CSNK1G3: variants seen among roughly 807,000 people sequenced by gnomAD.
CSNK1G3 encodes the protein casein kinase I isoform gamma-3.
A neutral mutation model predicts 64.3 loss-of-function variants in CSNK1G3; 23 were observed. The ratio of observed to expected loss-of-function variants is 0.36; its 90% CI spans 0.26 to 0.51. The LOEUF (loss-of-function observed/expected upper bound fraction) is 0.51, where lower values mean the gene tolerates loss of function less well. CSNK1G3 is among the 20% of genes least tolerant of loss of function. The pLI is 0.96. For missense variants in CSNK1G3, 357 were observed against 510.5 expected, an observed-to-expected ratio of 0.70 and a Z score of 2.90; for synonymous variants, 158 against 162.2, an observed-to-expected ratio of 0.97 and a Z score of 0.20.
chr5:123,530,107 A>G (rs934581128), intron 1 of CSNK1G3, among the ~76,000 whole-genome samples: 6 of 152,044 alleles, frequency 3.9e-5, no homozygotes, highest in African/African-American at 1.4e-4. Flanking sequence ...AAAATCATAA[A>G]TTAAATATTT....
intron 8 of CSNK1G3, among the ~76,000 whole-genome samples, chr5:123,590,182 A>G (rs538349800): frequency 6.6e-6 from 1 of 152,222 alleles, no homozygotes; most frequent in Non-Finnish European, 1.5e-5. Flanking sequence ...AATGAAGCAA[A>G]AATAGTGGTT....
rs567870213 is a variant in CSNK1G3 at position 123,557,364 on chromosome 5, A to G, written c.220-131A>G. On this transcript the variant is annotated intron_variant, in intron 3 of 12. Transcript: ENST00000345990. ...AGAAAGTTGATTTTTATATGAATCT[A>G]ATCTTAGACAAAGATGCCTGGTAGA... 11 of 636,710 alleles carry G rather than the reference A, an allele frequency of 1.7e-5. No individual in the cohort carries two copies. In the African/African-American group the frequency reaches 2.1e-4, roughly 12 times the overall value. The allele number at this position is 636,710 out of a possible 1,614,324, so 39.4% of individuals were successfully genotyped here. A position where few individuals can be genotyped will look rare whatever the true frequency, so the allele number is the denominator to read the frequency against.
At chr5:123,553,957 A>G (rs1784158023) in intron 3 of CSNK1G3, among the ~76,000 whole-genome samples, 1 of 152,204 alleles carries the variant, frequency 6.6e-6, no homozygotes, top group African/African-American at 2.4e-5. Context: ...ATGTATGTGT[A>G]TGAGGTTTAG....
At chr5:123,555,727 T>C (rs1450986707) in intron 3 of CSNK1G3, among the ~76,000 whole-genome samples, 1 of 152,140 alleles carries the variant, frequency 6.6e-6, no homozygotes, top group Non-Finnish European at 1.5e-5. Flanking sequence ...TGTTAAAATT[T>C]TACTGCTTAA....
rs558587994 is a variant in CSNK1G3 at position 123,564,612 on chromosome 5, GT to G, written c.289+7053del. Among the ~76,000 whole-genome samples, 12 of 152,052 alleles carry G rather than the reference GT, an allele frequency of 7.9e-5. No homozygotes were observed. The South Asian group carries it at 2.3e-3, about 29-fold the overall frequency. On this transcript the variant is annotated intron_variant, in intron 4 of 12. Transcript: ENST00000345990. Reference sequence around the variant, plus strand: ...TGGATAACAACTTAAGTTCCATTCAGTTTTTGCAACAGTTAAATTTTTACTT... The same window carrying G: ...TGGATAACAACTTAAGTTCCATTCAGTTTTGCAACAGTTAAATTTTTACTT...
At chr5:123,614,528 A>G (rs1389823749) in exon 13 of CSNK1G3, 1 of 667,954 alleles carries the variant, frequency 1.5e-6, no homozygotes, top group Non-Finnish European at 2.4e-6. Flanking sequence ...ATACTTTCAT[A>G]CTTCATTTTG....
chr5:123,582,311 T>C (rs1191718678), intron 6 of CSNK1G3, among the ~76,000 whole-genome samples: 1 of 152,048 alleles, frequency 6.6e-6, no homozygotes, highest in African/African-American at 2.4e-5. Flanking sequence ...ATGAAAAAAA[T>C]GCAGACAAGT....
At chr5:123,556,795 G>A (rs1308087351) in intron 3 of CSNK1G3, among the ~76,000 whole-genome samples, 1 of 147,920 alleles carries the variant, frequency 6.8e-6, no homozygotes, top group African/African-American at 2.5e-5. Context: ...TGTGTGTGGT[G>A]TGTGTATATG....
chr5:123,573,059 T>C (rs1788445311), intron 4 of CSNK1G3, among the ~76,000 whole-genome samples: 2 of 152,214 alleles, frequency 1.3e-5, no homozygotes, highest in South Asian at 4.1e-4. Context: ...GAATCTCTCC[T>C]ATGTGCTAAG....
At chr5:123,573,602 C>A in intron 5 of CSNK1G3, 61 bp downstream of exon 5, 1 of 1,440,092 alleles carries the variant, frequency 6.9e-7, no homozygotes, top group Non-Finnish European at 9.4e-7. Context: ...GTCACAAATT[C>A]ATATTAAAAG....
At chr5:123,539,030 A>T (rs1781267292) in intron 1 of CSNK1G3, among the ~76,000 whole-genome samples, 1 of 152,060 alleles carries the variant, frequency 6.6e-6, no homozygotes, top group South Asian at 2.1e-4. Flanking sequence ...TTTTGTAGAG[A>T]CGGGGTTTTG....
intron 10 of CSNK1G3, among the ~76,000 whole-genome samples, chr5:123,597,030 G>GT (rs1316120712): frequency 9.9e-6 from 1 of 100,804 alleles, no homozygotes; most frequent in African/African-American, 4.4e-5. Flanking sequence ...TAAGAGCAAA[G>GT]AAAAGTACCT....
chr5:123,560,282 A>T (rs571783234), intron 4 of CSNK1G3, among the ~76,000 whole-genome samples: 2 of 152,334 alleles, frequency 1.3e-5, no homozygotes, highest in Admixed American at 6.5e-5. Context: ...GTAAAAATTT[A>T]AAAAAGCCAC....
At chr5:123,585,647 A>G (rs1010036090) in intron 6 of CSNK1G3, among the ~76,000 whole-genome samples, 13 of 152,234 alleles carry the variant, frequency 8.5e-5, no homozygotes, top group African/African-American at 2.7e-4. Flanking sequence ...TTTTTTAAAC[A>G]GGCAAACACA....
At chr5:123,562,317 G>A (rs942404454) in intron 4 of CSNK1G3, among the ~76,000 whole-genome samples, 1 of 151,834 alleles carries the variant, frequency 6.6e-6, no homozygotes, top group African/African-American at 2.4e-5. Flanking sequence ...TTATCGTATG[G>A]TAATTATTAT....
chr5:123,546,479 G>C (rs532191570), intron 2 of CSNK1G3, among the ~76,000 whole-genome samples: 24 of 152,016 alleles, frequency 1.6e-4, no homozygotes, highest in Non-Finnish European at 3.2e-4. Flanking sequence ...TGAATTGTCA[G>C]ATGTTCACAA....
At position 123,518,455 on chromosome 5, in the gene CSNK1G3, T is replaced by G. The variant is rs576201614; in HGVS notation, c.-248+5885T>G. ...TGCCCCTCTGTGATTTTCTTGGCTG[T>G]TTGTCTTCTGTGTGTTGGAGTCATC... is the stretch of plus-strand genomic sequence containing the variant. On this transcript the variant is annotated intron_variant, in intron 1 of 12. Transcript: ENST00000345990. 3.3e-5 allele frequency among the ~76,000 whole-genome samples: 5 copies of G among 152,274 alleles called. No homozygotes were observed. The East Asian group carries it at 9.6e-4, about 29-fold the overall frequency.
At chr5:123,557,776 G>A (rs949410214) in intron 4 of CSNK1G3, among the ~76,000 whole-genome samples, 8 of 152,054 alleles carry the variant, frequency 5.3e-5, no homozygotes, top group African/African-American at 1.9e-4. Context: ...AGAGAACATT[G>A]TGAAAAAATT....
intron 12 of CSNK1G3, among the ~76,000 whole-genome samples, chr5:123,611,607 T>C: frequency 6.6e-6 from 1 of 152,186 alleles, no homozygotes; most frequent in East Asian, 1.9e-4. Flanking sequence ...TGTAGAAAAT[T>C]TGGGACTTTG....
Sources: gnomAD v4.1 joint callset for allele counts (sites outside exome capture counted in the v4.1 genomes callset) on GRCh38, gnomAD v4.1.1 for gene constraint, MANE v1.5 for transcripts, NCBI Gene and HGNC (gene_info 2026-07-23, HGNC 2026-07-21) for gene names.